CNTN4: variants seen among roughly 807,000 people sequenced by gnomAD.
CNTN4 encodes the protein contactin-4.
Under a neutral mutation model 122.5 loss-of-function variants are expected in CNTN4, and 77 were observed. The ratio of observed to expected loss-of-function variants is 0.63; its 90% confidence interval spans 0.52 to 0.76. CNTN4 has a LOEUF of 0.76. Among genes scored for constraint, CNTN4 ranks in the 30% least tolerant of loss-of-function variants. CNTN4 has a pLI of 0.00. For synonymous variants in CNTN4, 512 were observed against 447.0 expected (o/e 1.15, Z -1.83); for missense variants, 1,256 against 1,259.1 (o/e 1.00, Z 0.04).
chr3:3,056,196 C>T lies in CNTN4; in HGVS notation c.3057C>T (p.Ser1019=). 3 of 1,613,902 alleles carry T rather than the reference C, an allele frequency of 1.9e-6. No individual in the cohort carries two copies. Among genetic ancestry groups the T allele is most frequent in the East Asian group, 4.5e-5 (2 of 44,886 alleles). The change falls in exon 25 of 25, where the codon TCC becomes TCT. Residue 1019 remains serine, a synonymous_variant. Coordinates refer to ENST00000418658, the MANE Select transcript of CNTN4 (RefSeq NM_175607.3). ...CAGCCATCAGTACAATAATGATTTCCCTCACAGCTAGGTCCAGTTTATGAC... is the reference window on the plus strand; with the variant it reads ...CAGCCATCAGTACAATAATGATTTCTCTCACAGCTAGGTCCAGTTTATGAC... ...TLSAISTIMI[S]LTARSSL
intron 7 of CNTN4, among the ~76,000 whole-genome samples, chr3:2,825,286 C>T (rs1322304383): frequency 2.6e-5 from 4 of 152,056 alleles, no homozygotes; most frequent in African/African-American, 7.2e-5. Context: ...AGTGCAGTGG[C>T]GTGATCTCAG....
intron 6 of CNTN4, among the ~76,000 whole-genome samples, chr3:2,781,892 T>G (rs2091600670): frequency 7.3e-6 from 1 of 136,706 alleles, no homozygotes; most frequent in Non-Finnish European, 1.6e-5. Context: ...CCCGGCTAAT[T>G]TTTTGTATTT....
At chr3:2,685,476 A>G (rs1559386050) in intron 4 of CNTN4, among the ~76,000 whole-genome samples, 1 of 152,184 alleles carries the variant, frequency 6.6e-6, no homozygotes. Flanking sequence ...TGTCCCATAC[A>G]ATACAAGAGC....
At chr3:3,010,290 C>T (rs1372283405) in intron 14 of CNTN4, among the ~76,000 whole-genome samples, 1 of 151,960 alleles carries the variant, frequency 6.6e-6, no homozygotes, top group Admixed American at 6.5e-5. Context: ...AAGTAATACC[C>T]GAATTCCCAA....
chr3:3,009,271 T>G (rs897981412), intron 14 of CNTN4, among the ~76,000 whole-genome samples: 2 of 152,194 alleles, frequency 1.3e-5, no homozygotes, highest in Non-Finnish European at 2.9e-5. Context: ...AGTTAACCTT[T>G]ACCTTTCAAT....
intron 4 of CNTN4, among the ~76,000 whole-genome samples, chr3:2,721,856 C>A (rs1344150819): frequency 6.6e-6 from 1 of 152,110 alleles, no homozygotes; most frequent in African/African-American, 2.4e-5. Flanking sequence ...GAAGGTTGGG[C>A]CTTTGGGAAG....
At position 2,186,273 on chromosome 3, in the gene CNTN4, T is replaced by C. The variant is rs567780735; in HGVS notation, c.-145+85634T>C. On this transcript the variant is annotated intron_variant, in intron 2 of 24. Transcript: ENST00000418658. ...AAGGACATGAACTCATCCTTTTTTATGGCTGCATAGTATTTCATGGTGTAT... is the reference window on the plus strand; with the variant it reads ...AAGGACATGAACTCATCCTTTTTTACGGCTGCATAGTATTTCATGGTGTAT... Among the ~76,000 whole-genome samples, 534 of 152,166 alleles carry C rather than the reference T, an allele frequency of 3.5e-3. 4 individuals are homozygous for C. The highest frequency in any genetic ancestry group is 0.012 in the African/African-American group (497 of 41,528).
At chr3:2,120,658 C>A (rs982904261) in intron 2 of CNTN4, among the ~76,000 whole-genome samples, 2 of 151,652 alleles carry the variant, frequency 1.3e-5, no homozygotes, top group Non-Finnish European at 2.9e-5. Flanking sequence ...CTGTGTCGGC[C>A]TCCCAAAGTG....
intron 2 of CNTN4, among the ~76,000 whole-genome samples, chr3:2,269,012 T>G (rs189078119): frequency 6.0e-4 from 92 of 152,254 alleles, no homozygotes; most frequent in Admixed American, 5.0e-3. Flanking sequence ...TATGACAGAT[T>G]AACCAAATAG....
At chr3:2,639,252 A>G (rs528076563) in intron 4 of CNTN4, among the ~76,000 whole-genome samples, 7 of 151,976 alleles carry the variant, frequency 4.6e-5, no homozygotes, top group African/African-American at 1.5e-4. Flanking sequence ...TCCTAATTCT[A>G]TTCTATGATA....
At chr3:2,682,752 A>G (rs1345989102) in intron 4 of CNTN4, among the ~76,000 whole-genome samples, 4 of 152,094 alleles carry the variant, frequency 2.6e-5, no homozygotes, top group African/African-American at 9.7e-5. Flanking sequence ...TGAAAATTGC[A>G]CCCTGTATCA....
intron 6 of CNTN4, among the ~76,000 whole-genome samples, chr3:2,765,502 T>C (rs2090814799): frequency 6.6e-6 from 1 of 152,220 alleles, no homozygotes; most frequent in Non-Finnish European, 1.5e-5. Flanking sequence ...GGAAACTATT[T>C]GTTTTCCTGG....
chr3:2,775,553 G>T (rs2091282276), intron 6 of CNTN4, among the ~76,000 whole-genome samples: 1 of 152,102 alleles, frequency 6.6e-6, no homozygotes, highest in Non-Finnish European at 1.5e-5. Context: ...CAGAGTAGCT[G>T]GGAGTACAAG....
intron 2 of CNTN4, among the ~76,000 whole-genome samples, chr3:2,247,799 A>G (rs1286027061): frequency 6.6e-6 from 1 of 152,012 alleles, no homozygotes; most frequent in Non-Finnish European, 1.5e-5. Flanking sequence ...AAAGTGTGGT[A>G]CTTAGAAGTT....
chr3:2,216,999 CT>C (rs1369484325), intron 2 of CNTN4, among the ~76,000 whole-genome samples: 5 of 152,262 alleles, frequency 3.3e-5, no homozygotes, highest in Admixed American at 2.0e-4. Flanking sequence ...ATTAAAAGCT[CT>C]TGGCCCCACA....
At chr3:2,642,137 C>T (rs1056500059) in intron 4 of CNTN4, among the ~76,000 whole-genome samples, 1 of 152,208 alleles carries the variant, frequency 6.6e-6, no homozygotes, top group African/African-American at 2.4e-5. Context: ...ATCCCAAAAC[C>T]TCAAAAGTAG....
At chr3:2,810,980 C>A (rs1157647570) in intron 6 of CNTN4, among the ~76,000 whole-genome samples, 1 of 147,806 alleles carries the variant, frequency 6.8e-6, no homozygotes, top group Non-Finnish European at 1.5e-5. Flanking sequence ...TAAGGATTTC[C>A]ATAGTGATGT....
chr3:2,527,752 T>G (rs182235157), intron 3 of CNTN4, among the ~76,000 whole-genome samples: 1 of 152,256 alleles, frequency 6.6e-6, no homozygotes, highest in East Asian at 1.9e-4. Context: ...TTCTGAGAGC[T>G]AGTTGCCCCT....
rs560577029 is a variant in CNTN4 at position 2,295,935 on chromosome 3, A to G, written c.-144-43243A>G. 1.4e-4 allele frequency among the ~76,000 whole-genome samples: 21 copies of G among 152,234 alleles called. No individual in the cohort carries two copies. The East Asian group carries it at 3.9e-3, about 28-fold the overall frequency. On this transcript the variant is annotated intron_variant, in intron 2 of 24. Coordinates refer to ENST00000418658, the MANE Select transcript of CNTN4 (RefSeq NM_175607.3). ...CCCAGCACCATTTATTAAATAGGGAATCCTTTCCGCATTTCTTGTTTTTAT... is the reference window on the plus strand; with the variant it reads ...CCCAGCACCATTTATTAAATAGGGAGTCCTTTCCGCATTTCTTGTTTTTAT...
Sources: allele counts gnomAD v4.1 joint callset (sites outside exome capture counted in the v4.1 genomes callset), GRCh38; gene constraint gnomAD v4.1.1; transcripts MANE v1.5; gene names NCBI Gene and HGNC (gene_info 2026-07-23, HGNC 2026-07-21).